Variants in PRKAR1A observed in about 807,000 individuals in gnomAD.
PRKAR1A encodes cAMP-dependent protein kinase type I-alpha regulatory subunit.
In PRKAR1A, 3 loss-of-function variants were observed where a neutral mutation model predicts 52.0. The ratio of observed to expected loss-of-function variants is 0.06; its 90% CI spans 0.03 to 0.15. PRKAR1A has a LOEUF of 0.15. Among genes scored for constraint, PRKAR1A ranks in the 10% least tolerant of loss-of-function variants. The probability of loss-of-function intolerance (pLI) is 1.00; values close to 1 mark genes in which losing one functional copy is unlikely to be tolerated. For missense variants in PRKAR1A, 240 were observed against 477.4 expected, an observed-to-expected ratio of 0.50 and a Z score of 4.63; for synonymous variants, 188 against 168.4, an observed-to-expected ratio of 1.12 and a Z score of -0.90.
Position 68,541,769 on chromosome 17 carries a change from C to A in PRKAR1A, c.974-9315C>A, listed in dbSNP as rs962801264. The stretch of plus-strand genomic sequence containing the variant: ...CTTCCATTTCTGTATCCCATAACAC[C>A]TAGTGTTGGGTATATGGAAGGTTCT... On this transcript the variant is annotated intron_variant, in intron 11 of 11. Coordinates refer to the PRKAR1A transcript ENST00000585981. 7.5e-6 allele frequency: 4 copies of A among 534,160 alleles called. No homozygotes were observed. The Admixed American group carries it at 1.3e-4, about 17-fold the overall frequency. 33.1% of individuals were successfully genotyped at this position (534,160 alleles called of 1,614,324 possible). A position where few individuals can be genotyped will look rare whatever the true frequency, so the allele number is the denominator to read the frequency against.
the PRKAR1A span, among the ~76,000 whole-genome samples, chr17:68,493,280 C>A: frequency 6.6e-6 from 1 of 151,994 alleles, no homozygotes; most frequent in Non-Finnish European, 1.5e-5. Flanking sequence ...GCCCATGTAC[C>A]CCTGAACTTA....
chr17:68,491,939 G>A, the PRKAR1A span, among the ~76,000 whole-genome samples: 1 of 152,252 alleles, frequency 6.6e-6, no homozygotes, highest in South Asian at 2.1e-4. Context: ...GGAGCTGGCA[G>A]AGCCAGAGTT....
rs1029468704 is a variant in PRKAR1A at position 68,539,878 on chromosome 17, A to T, written c.973+9877A>T. On this transcript the variant is annotated intron_variant, in intron 11 of 11. Coordinates refer to the PRKAR1A transcript ENST00000585981. ...GGGGATTGTTGAACACACGTGGGGA[A>T]GCTCACCCTCTGGCGTTGTCAAGGT... 1.2e-6 allele frequency: 2 copies of T among 1,613,824 alleles called. No individual in the cohort carries two copies. The highest frequency in any genetic ancestry group is 1.7e-6 in the Non-Finnish European group (2 of 1,179,724).
the PRKAR1A span, among the ~76,000 whole-genome samples, chr17:68,486,506 C>CTTCTTTCT: frequency 5.3e-3 from 255 of 48,228 alleles, 5 homozygotes; most frequent in Non-Finnish European, 7.2e-3. Context: ...TCCTTCCTTC[C>CTTCTTTCT]TTCTTTCTTT....
the PRKAR1A span, among the ~76,000 whole-genome samples, chr17:68,470,010 A>C: frequency 2.6e-5 from 4 of 152,080 alleles, no homozygotes; most frequent in Non-Finnish European, 5.9e-5. Flanking sequence ...ATATCACAAC[A>C]TCATGTAGCC....
At chr17:68,447,984 CAAAAAAAAAA>C in the PRKAR1A span, among the ~76,000 whole-genome samples, 1 of 80,284 alleles carries the variant, frequency 1.2e-5, no homozygotes, top group African/African-American at 4.7e-5. Flanking sequence ...GACTCTATCT[CAAAAAAAAAA>C]AAAAAAAAAA....
the PRKAR1A span, among the ~76,000 whole-genome samples, chr17:68,429,266 C>G: frequency 6.6e-6 from 1 of 152,156 alleles, no homozygotes; most frequent in Non-Finnish European, 1.5e-5. Flanking sequence ...TGCCCTTAAC[C>G]AAGACAGAAA....
chr17:68,487,917 A>G, the PRKAR1A span, among the ~76,000 whole-genome samples: 3 of 152,162 alleles, frequency 2.0e-5, no homozygotes, highest in African/African-American at 7.2e-5. Flanking sequence ...GAACAACAAT[A>G]ATAATGAAAA....
At chr17:68,444,732 T>A in the PRKAR1A span, 1 of 621,628 alleles carries the variant, frequency 1.6e-6, no homozygotes, top group Non-Finnish European at 2.7e-6. Flanking sequence ...GAAGATTGTG[T>A]TTATGGATGT....
At chr17:68,421,736 T>C in the PRKAR1A span, 11 of 1,613,856 alleles carry the variant, frequency 6.8e-6, no homozygotes, top group Admixed American at 8.3e-5. Context: ...AACCACCTGA[T>C]AGGGGGGATG....
At chr17:68,495,217 G>C in the PRKAR1A span, among the ~76,000 whole-genome samples, 2 of 152,212 alleles carry the variant, frequency 1.3e-5, no homozygotes, top group South Asian at 4.1e-4. Context: ...TTCTTTTGTA[G>C]AAATGGGGTC....
In PRKAR1A at chr17:68,530,806, T is replaced by G. The variant is rs892598782; in HGVS notation, c.*357T>G. 5.6e-6 allele frequency: 7 copies of G among 1,249,864 alleles called. No individual in the cohort carries two copies. The South Asian group carries it at 9.1e-5, about 16-fold the overall frequency. The allele number at this position is 1,249,864 out of a possible 1,614,324, so 77.4% of individuals were successfully genotyped here. A position where few individuals can be genotyped will look rare whatever the true frequency, so the allele number is the denominator to read the frequency against. On this transcript the variant is annotated 3_prime_UTR_variant, in exon 11 of 11. Transcript: ENST00000589228. ...ATGTAACAGTGCAAGATTTTTTTTT[T>G]AAGTGACATAATTGTCCAGTTATAA... is the stretch of plus-strand genomic sequence containing the variant.
Position 68,523,707 on chromosome 17 carries a change from C to G in PRKAR1A, c.349-18C>G. On this transcript the variant is annotated intron_variant, in intron 3 of 10. Transcript: ENST00000589228. The stretch of plus-strand genomic sequence containing the variant: ...TTTGGTTTATGGAATTGTCATTTGA[C>G]CTTCAGTTCTTTTCTAGGTTATACC... 6.3e-7 allele frequency: 1 copy of G among 1,587,834 alleles called. No homozygotes were observed. Among genetic ancestry groups the G allele is most frequent in the Non-Finnish European group, 8.6e-7 (1 of 1,160,780 alleles).
chr17:68,527,018 CAGTT>C (rs1295380652), intron 7 of PRKAR1A, among the ~76,000 whole-genome samples: 2 of 152,180 alleles, frequency 1.3e-5, no homozygotes, highest in African/African-American at 2.4e-5. Flanking sequence ...ACTGACCATA[CAGTT>C]AGTTCTGCAT....
chr17:68,517,626 G>C (rs906607293), intron 2 of PRKAR1A, among the ~76,000 whole-genome samples: 3 of 152,176 alleles, frequency 2.0e-5, no homozygotes. Context: ...CCTCCCACCA[G>C]GTCCCTCTCA....
chr17:68,537,510 G>A (rs747009042), downstream of PRKAR1A: 30 of 1,613,968 alleles, frequency 1.9e-5, no homozygotes, highest in Non-Finnish European at 2.5e-5. The surrounding 1 kb of genome is among the most constrained non-coding windows in gnomAD (Gnocchi z 4.2). Context: ...CAGAGTCTGG[G>A]GCCAACTGTT....
At chr17:68,424,726 T>A in the PRKAR1A span, among the ~76,000 whole-genome samples, 1 of 151,822 alleles carries the variant, frequency 6.6e-6, no homozygotes, top group Admixed American at 6.6e-5. Flanking sequence ...AAATACAAAA[T>A]ATTAGTTGGG....
chr17:68,483,132 T>TC, the PRKAR1A span, among the ~76,000 whole-genome samples: 1 of 151,954 alleles, frequency 6.6e-6, no homozygotes, highest in Non-Finnish European at 1.5e-5. Flanking sequence ...TTTTTTTTTT[T>TC]GTCTATGATG....
At chr17:68,455,263 T>C in the PRKAR1A span, among the ~76,000 whole-genome samples, 1 of 149,420 alleles carries the variant, frequency 6.7e-6, no homozygotes, top group African/African-American at 2.5e-5. Flanking sequence ...CTTGAGAGGC[T>C]GAGACAGGAG....
Sources: gnomAD v4.1 joint callset for allele counts (sites outside exome capture counted in the v4.1 genomes callset) on GRCh38, gnomAD v4.1.1 for gene constraint, Gnocchi (gnomAD v3.1) non-coding constraint, MANE v1.5 for transcripts, NCBI Gene and HGNC (gene_info 2026-07-23, HGNC 2026-07-21) for gene names.